PDXDC1: variants seen among roughly 807,000 people sequenced by gnomAD.
The protein encoded by PDXDC1 is pyridoxal dependent decarboxylase domain containing 1.
A neutral mutation model predicts 100.1 loss-of-function variants in PDXDC1; 42 were observed. The ratio of observed to expected loss-of-function variants is 0.42; its 90% CI spans 0.33 to 0.54. The LOEUF (loss-of-function observed/expected upper bound fraction) is 0.54. Ranked by LOEUF, PDXDC1 falls within the 20% of genes least tolerant of loss-of-function variation. PDXDC1 has a pLI of 0.10. For missense variants in PDXDC1, 636 were observed against 979.2 expected (o/e 0.65, Z 4.68); for synonymous variants, 260 against 371.7 (o/e 0.70, Z 3.46).
rs2047649460 is a variant in PDXDC1, at chr16:15,125,322, C to T, written c.1400-13557C>T. On this transcript the variant is annotated intron_variant, in intron 16 of 16. Coordinates refer to the PDXDC1 transcript ENST00000535621. Reference sequence around the variant, plus strand: ...TTCCCTCGCTGGAGGGCCAGCACACCAGACTGCAGGTGGCGCGGGTCAGCA... The same window carrying T: ...TTCCCTCGCTGGAGGGCCAGCACACTAGACTGCAGGTGGCGCGGGTCAGCA... The T allele has an allele frequency of 5.6e-6, 4 of 707,968 alleles. No individual in the cohort carries two copies. The African/African-American group carries it at 7.1e-5, about 13-fold the overall frequency. 43.9% of individuals were successfully genotyped at this position (707,968 alleles called of 1,614,324 possible). A position where few individuals can be genotyped will look rare whatever the true frequency, so the allele number is the denominator to read the frequency against.
chr16:15,009,028 T>C (rs1349703227), intron 7 of PDXDC1, among the ~76,000 whole-genome samples, 181 bp downstream of exon 7: 1 of 152,284 alleles, frequency 6.6e-6, no homozygotes, highest in African/African-American at 2.4e-5. Flanking sequence ...TTGGTTGGTA[T>C]ATAGGTCAGG....
Position 15,036,011 on chromosome 16 carries a change from T to C in PDXDC1, c.2108-5T>C. The stretch of plus-strand genomic sequence containing the variant: ...TTCAGCGCAGTCTGTCTGCCCTTTC[T>C]GTAGGCCAGAAGCCTTTTAAAAGGT... On this transcript the variant is annotated splice_region_variant and splice_polypyrimidine_tract_variant and intron_variant, in intron 22 of 22. Transcript: ENST00000396410. 1 of 1,608,922 alleles carries C rather than the reference T, an allele frequency of 6.2e-7. No homozygotes were observed. The highest frequency in any genetic ancestry group is 8.5e-7 in the Non-Finnish European group (1 of 1,177,348).
At chr16:15,018,417 A>T (rs1052110840) in intron 11 of PDXDC1, among the ~76,000 whole-genome samples, 4 of 152,264 alleles carry the variant, frequency 2.6e-5, no homozygotes, top group African/African-American at 9.6e-5. Context: ...CTGTCACAAA[A>T]AATAATAATA....
At chr16:15,055,968 GC>G in intron 16 of PDXDC1, 1 of 1,223,894 alleles carries the variant, frequency 8.2e-7, no homozygotes, top group Non-Finnish European at 1.0e-6. Flanking sequence ...ACGAGCAGCG[GC>G]ATCGCGGAGG....
At chr16:15,032,249 C>T (rs1049087791) in intron 17 of PDXDC1, 13 of 273,122 alleles carry the variant, frequency 4.8e-5, no homozygotes, top group South Asian at 2.5e-4. Context: ...ACCCAGCTCT[C>T]GGGGAGAGAA....
rs1002582202 is a variant in PDXDC1, at chr16:15,044,118, GAA to G, written c.1399+14065_1399+14066del. Among the ~76,000 whole-genome samples the G allele has an allele frequency of 2.9e-4, 44 of 152,092 alleles. 1 individual carries two copies. The highest frequency in any genetic ancestry group is 2.9e-3 in the Admixed American group (44 of 15,274). Reference sequence around the variant, plus strand: ...GAATGTGTTCACTGCTGTTTTAGTAGAAAATCTTGTCCCCAGCCCTGCTACCC... The same window carrying G: ...GAATGTGTTCACTGCTGTTTTAGTAGAATCTTGTCCCCAGCCCTGCTACCC... On this transcript the variant is annotated intron_variant, in intron 16 of 16. Coordinates refer to the PDXDC1 transcript ENST00000535621.
chr16:15,032,837 T>C (rs1407711018), intron 17 of PDXDC1, 24 bp from the exon 18 acceptor site: 2 of 1,224,462 alleles, frequency 1.6e-6, no homozygotes, highest in Non-Finnish European at 2.4e-6. Flanking sequence ...TAAGCTGAAA[T>C]GCTGTGGTTT....
At chr16:15,083,577 G>C (rs757728721) in intron 16 of PDXDC1, 2 of 1,605,884 alleles carry the variant, frequency 1.2e-6, no homozygotes, top group Non-Finnish European at 8.5e-7. Context: ...GAGAAACCAC[G>C]GTGTCCTATT....
intron 13 of PDXDC1, chr16:15,025,930 A>G (rs1408063876): frequency 1.3e-5 from 2 of 152,376 alleles, no homozygotes; most frequent in African/African-American, 4.8e-5. Context: ...TAGGAAACCC[A>G]CTAATGAAGT....
At chr16:15,070,473 T>C (rs2045175930) in intron 16 of PDXDC1, among the ~76,000 whole-genome samples, 1 of 151,700 alleles carries the variant, frequency 6.6e-6, no homozygotes, top group Non-Finnish European at 1.5e-5. Flanking sequence ...GCTCTGACCT[T>C]CTAGGAACAG....
chr16:15,031,112 ATTTTTTTTT>A (rs771115923), intron 16 of PDXDC1, among the ~76,000 whole-genome samples: 33 of 73,922 alleles, frequency 4.5e-4, no homozygotes, highest in Non-Finnish European at 4.2e-4. Context: ...CACCACATCT[ATTTTTTTTT>A]TTTTTTTTTT....
chr16:15,102,778 C>T (rs2151850964), intron 16 of PDXDC1, among the ~76,000 whole-genome samples: 1 of 147,596 alleles, frequency 6.8e-6, no homozygotes, highest in South Asian at 2.2e-4. Context: ...TAGTGAGACC[C>T]CATATCCACA....
At chr16:14,985,475 G>C (rs1331815244) in intron 1 of PDXDC1, among the ~76,000 whole-genome samples, 2 of 152,086 alleles carry the variant, frequency 1.3e-5, no homozygotes, top group African/African-American at 4.8e-5. Context: ...TTCTAGTAGA[G>C]ACGGGGTTTC....
At chr16:15,091,274 T>C (rs943730991) in intron 16 of PDXDC1, 62 of 1,604,482 alleles carry the variant, frequency 3.9e-5, no homozygotes, top group Non-Finnish European at 5.1e-5. Flanking sequence ...CTGTATACAG[T>C]GGCAATAATT....
chr16:15,013,343 TA>T (rs1255570709), intron 8 of PDXDC1, among the ~76,000 whole-genome samples: 2 of 113,966 alleles, frequency 1.8e-5, no homozygotes, highest in African/African-American at 3.2e-5. Flanking sequence ...AGTGAGACCC[TA>T]TCTCAAAAAA....
At chr16:15,025,893 C>G (rs1487770293) in intron 13 of PDXDC1, 2 of 152,420 alleles carry the variant, frequency 1.3e-5, no homozygotes, top group Admixed American at 6.5e-5. Context: ...TATCATAATA[C>G]ATAATGCAGT....
chr16:15,135,919 C>G (rs1184786872), intron 16 of PDXDC1: 4 of 1,584,062 alleles, frequency 2.5e-6, no homozygotes, highest in Non-Finnish European at 3.4e-6. Context: ...GCAGCACCAG[C>G]TGAGGCCGGC....
chr16:15,129,306 C>T (rs377111519), intron 16 of PDXDC1, among the ~76,000 whole-genome samples: 19 of 151,330 alleles, frequency 1.3e-4, no homozygotes, highest in South Asian at 1.0e-3. Flanking sequence ...GGTGTGGTGG[C>T]GTGCACCTGT....
chr16:15,003,764 C>T (rs937806591), intron 4 of PDXDC1, among the ~76,000 whole-genome samples: 1 of 152,208 alleles, frequency 6.6e-6, no homozygotes, highest in African/African-American at 2.4e-5. Context: ...AGGTGAATCA[C>T]CTGAAGTCAG....
Sources: allele counts gnomAD v4.1 joint callset (sites outside exome capture counted in the v4.1 genomes callset), GRCh38; gene constraint gnomAD v4.1.1; transcripts MANE v1.5; gene names NCBI Gene and HGNC (gene_info 2026-07-23, HGNC 2026-07-21).